The following FBXL20 variants were observed in gnomAD, a reference collection of about 807,000 sequenced individuals.
FBXL20 encodes the protein F-box/LRR-repeat protein 20.
In FBXL20, 11 loss-of-function variants were observed where a neutral mutation model predicts 64.0. The ratio of observed to expected loss-of-function variants is 0.17; its 90% CI spans 0.11 to 0.28. The LOEUF (loss-of-function observed/expected upper bound fraction) is 0.28. Among genes scored for constraint, FBXL20 ranks in the 10% least tolerant of loss-of-function variants. The pLI is 1.00. For synonymous variants in FBXL20, 184 were observed against 189.0 expected (o/e 0.97, Z 0.22); for missense variants, 303 against 526.2 (o/e 0.58, Z 4.15).
chr17:39,387,926 CA>C (rs1426122318), intron 1 of FBXL20, among the ~76,000 whole-genome samples: 1 of 152,004 alleles, frequency 6.6e-6, no homozygotes, highest in African/African-American at 2.4e-5. Context: ...ATAGGTTTAT[CA>C]GGGCACAGTC....
At chr17:39,395,735 G>A (rs10491128) in intron 1 of FBXL20, among the ~76,000 whole-genome samples, 48,238 of 152,014 alleles carry the variant, frequency 0.32, 8,543 homozygotes, top group African/African-American at 0.48. Context: ...TATGCACAAT[G>A]TTCTTTAAAT....
Position 39,382,781 on chromosome 17 carries a change from AG to A in FBXL20, c.42+18579del, listed in dbSNP as rs539138797. Among the ~76,000 whole-genome samples, 37 of 152,206 alleles carry A rather than the reference AG, an allele frequency of 2.4e-4. 1 individual carries two copies. The highest frequency in any genetic ancestry group is 7.7e-4 in the African/African-American group (32 of 41,540). On this transcript the variant is annotated intron_variant, in intron 1 of 14. Coordinates refer to ENST00000264658, the MANE Select transcript of FBXL20 (RefSeq NM_032875.3). ...CTAGAGCTCAGGAGTTGCAGGCTGC[AG>A]TGAGCTATGATCCTACTCTGCACTC...
At chr17:39,319,839 T>C (rs2047337526) in intron 2 of FBXL20, among the ~76,000 whole-genome samples, 1 of 151,968 alleles carries the variant, frequency 6.6e-6, no homozygotes, top group Non-Finnish European at 1.5e-5. Context: ...CTCGAACTCC[T>C]GGCCTCAAGC....
chr17:39,320,421 A>G (rs999494749), intron 2 of FBXL20, among the ~76,000 whole-genome samples: 5 of 152,238 alleles, frequency 3.3e-5, no homozygotes, highest in South Asian at 2.1e-4. Context: ...GGCATAAAAG[A>G]TAAGTGGTAT....
At chr17:39,351,127 G>T (rs1195143887) in intron 1 of FBXL20, among the ~76,000 whole-genome samples, 1 of 152,104 alleles carries the variant, frequency 6.6e-6, no homozygotes, top group Non-Finnish European at 1.5e-5. Flanking sequence ...ATGAGGTCAG[G>T]AGTTCGAGAT....
chr17:39,324,625 C>G (rs1327256588), intron 2 of FBXL20, among the ~76,000 whole-genome samples: 1 of 152,090 alleles, frequency 6.6e-6, no homozygotes, highest in Non-Finnish European at 1.5e-5. Flanking sequence ...CACCTAACTA[C>G]TATAAAAACA....
At chr17:39,315,829 C>CAGAGAGAGAGAGAGAGAG (rs141728220) in intron 2 of FBXL20, among the ~76,000 whole-genome samples, 33 of 129,780 alleles carry the variant, frequency 2.5e-4, no homozygotes, top group South Asian at 8.8e-4. Context: ...GAGAGAGAGA[C>CAGAGAGAGAGAGAGAGAG]AGAGAGAGAG....
intron 6 of FBXL20, among the ~76,000 whole-genome samples, chr17:39,290,343 A>G (rs1358122658): frequency 6.6e-6 from 1 of 152,100 alleles, no homozygotes; most frequent in Non-Finnish European, 1.5e-5. Context: ...TATGAATCCA[A>G]TTATACCATT....
intron 1 of FBXL20, among the ~76,000 whole-genome samples, chr17:39,358,684 A>G (rs1245211078): frequency 6.6e-6 from 1 of 151,808 alleles, no homozygotes; most frequent in African/African-American, 2.4e-5. Flanking sequence ...TCTGTCTCAA[A>G]AAAAAACAAA....
chr17:39,394,882 G>C (rs1251718471), intron 1 of FBXL20, among the ~76,000 whole-genome samples: 1 of 151,926 alleles, frequency 6.6e-6, no homozygotes, highest in Non-Finnish European at 1.5e-5. Context: ...GGCCAGATAC[G>C]GAAATTTTTA....
At chr17:39,325,694 C>T (rs537855501) in intron 2 of FBXL20, among the ~76,000 whole-genome samples, 1 of 152,252 alleles carries the variant, frequency 6.6e-6, no homozygotes, top group Admixed American at 6.5e-5. Flanking sequence ...AACATAAATT[C>T]TGTTCAAATT....
chr17:39,285,144 T>C (rs982139594), intron 7 of FBXL20, among the ~76,000 whole-genome samples: 2 of 152,152 alleles, frequency 1.3e-5, no homozygotes, highest in Non-Finnish European at 2.9e-5. Flanking sequence ...GACCTCGTGA[T>C]CTGCCTGCCT....
intron 1 of FBXL20, among the ~76,000 whole-genome samples, chr17:39,388,265 T>C (rs2048101042): frequency 1.3e-5 from 2 of 152,006 alleles, no homozygotes; most frequent in Admixed American, 1.3e-4. Context: ...GAGACCAGCC[T>C]GACCAACATG....
At chr17:39,276,054 C>G (rs942052927) in intron 9 of FBXL20, among the ~76,000 whole-genome samples, 1 of 151,016 alleles carries the variant, frequency 6.6e-6, no homozygotes, top group Non-Finnish European at 1.5e-5. Flanking sequence ...CGAGACCAGC[C>G]TGGCCAACAT....
At chr17:39,368,409 T>G (rs996345751) in intron 1 of FBXL20, among the ~76,000 whole-genome samples, 2 of 151,998 alleles carry the variant, frequency 1.3e-5, no homozygotes, top group African/African-American at 4.8e-5. Context: ...ACTTAAAAAT[T>G]TTTAAGAATG....
At chr17:39,381,092 G>C (rs575957783) in intron 1 of FBXL20, among the ~76,000 whole-genome samples, 2 of 152,024 alleles carry the variant, frequency 1.3e-5, no homozygotes, top group African/African-American at 4.8e-5. Context: ...CCCGGGAGGC[G>C]GAAGTTGCAG....
intron 2 of FBXL20, among the ~76,000 whole-genome samples, chr17:39,340,292 T>G (rs1349352551): frequency 6.6e-6 from 1 of 152,200 alleles, no homozygotes; most frequent in Non-Finnish European, 1.5e-5. Context: ...AGATGGGGTT[T>G]CACCATGTTG....
At chr17:39,335,153 CAT>C (rs1480737886) in intron 2 of FBXL20, among the ~76,000 whole-genome samples, 1 of 152,136 alleles carries the variant, frequency 6.6e-6, no homozygotes. Context: ...AGTCGTAAAA[CAT>C]GTTGTTCCTT....
chr17:39,354,971 G>T (rs1249239220), intron 1 of FBXL20, among the ~76,000 whole-genome samples: 4 of 152,130 alleles, frequency 2.6e-5, no homozygotes, highest in Non-Finnish European at 4.4e-5. Flanking sequence ...TGCTCTTGTT[G>T]TCCAGGCTAG....
Sources: gnomAD v4.1 joint callset for allele counts (sites outside exome capture counted in the v4.1 genomes callset) on GRCh38, gnomAD v4.1.1 for gene constraint, MANE v1.5 for transcripts, NCBI Gene and HGNC (gene_info 2026-07-23, HGNC 2026-07-21) for gene names.